Variants in UNC13B observed in about 807,000 individuals in gnomAD.
UNC13B encodes the protein unc-13 homolog B, also known as protein unc-13 homolog B.
A neutral mutation model predicts 211.0 loss-of-function variants in UNC13B; 144 were observed. The ratio of observed to expected loss-of-function variants is 0.68; its 90% CI spans 0.60 to 0.78. The LOEUF is 0.78. Among genes scored for constraint, UNC13B ranks in the 30% least tolerant of loss-of-function variants. The pLI is 0.00. For synonymous variants in UNC13B, 709 were observed against 725.8 expected, an observed-to-expected ratio of 0.98 and a Z score of 0.37; for missense variants, 1,777 against 2,002.0, an observed-to-expected ratio of 0.89 and a Z score of 2.14.
intron 11 of UNC13B, among the ~76,000 whole-genome samples, chr9:35,363,496 G>C (rs1307555074): frequency 6.6e-6 from 1 of 152,170 alleles, no homozygotes; most frequent in African/African-American, 2.4e-5. Context: ...GCACTGTTTT[G>C]GAGGATTCCT....
intron 1 of UNC13B, among the ~76,000 whole-genome samples, chr9:35,191,064 AT>A (rs1362637443): frequency 6.6e-6 from 1 of 151,896 alleles, no homozygotes; most frequent in Non-Finnish European, 1.5e-5. Flanking sequence ...GGTTCCAATG[AT>A]TCTCCTGCCT....
chr9:35,164,714 C>G (rs1820943215), intron 1 of UNC13B, among the ~76,000 whole-genome samples: 1 of 152,146 alleles, frequency 6.6e-6, no homozygotes, highest in Admixed American at 6.5e-5. Context: ...GCACTTGTGC[C>G]CCCTGAAATA....
intron 11 of UNC13B, among the ~76,000 whole-genome samples, chr9:35,321,452 A>C (rs1830732824): frequency 6.6e-6 from 1 of 152,084 alleles, no homozygotes; most frequent in Admixed American, 6.6e-5. Context: ...CCTGGGCTCA[A>C]GCAATTTTCC....
At chr9:35,381,867 C>A in intron 20 of UNC13B, 148 bp downstream of exon 20, 1 of 958,328 alleles carries the variant, frequency 1.0e-6, no homozygotes, top group Non-Finnish European at 1.6e-6. Context: ...TGGGTCTATG[C>A]CCCAAGACAA....
intron 13 of UNC13B, among the ~76,000 whole-genome samples, chr9:35,372,421 A>G (rs1002790862): frequency 2.6e-5 from 4 of 152,270 alleles, no homozygotes; most frequent in African/African-American, 9.6e-5. Context: ...GGCTGCCCCT[A>G]AAGCTTGGGC....
chr9:35,355,587 C>T (rs1832974894), intron 11 of UNC13B, among the ~76,000 whole-genome samples: 1 of 152,224 alleles, frequency 6.6e-6, no homozygotes, highest in South Asian at 2.1e-4. Flanking sequence ...TGCTGTCATA[C>T]AAATTTGCCT....
At chr9:35,207,019 A>G (rs995515794) in intron 1 of UNC13B, among the ~76,000 whole-genome samples, 28 of 152,078 alleles carry the variant, frequency 1.8e-4, no homozygotes, top group African/African-American at 6.5e-4. Flanking sequence ...ACTTGTGTAC[A>G]TGTTCCTGTG....
chr9:35,186,182 T>C (rs2131324843), intron 1 of UNC13B, among the ~76,000 whole-genome samples: 1 of 152,046 alleles, frequency 6.6e-6, no homozygotes, highest in Admixed American at 6.5e-5. Context: ...CTACTAGGTG[T>C]AGACCCTACT....
chr9:35,352,144 G>A, intron 11 of UNC13B: 1 of 1,232,276 alleles, frequency 8.1e-7, no homozygotes, highest in Non-Finnish European at 1.0e-6. Flanking sequence ...AGGGTGAAAA[G>A]GCCCAGGAAC....
In UNC13B at chr9:35,404,286, A is replaced by G; in HGVS notation, c.*253A>G. The G allele has an allele frequency of 1.9e-6, 1 of 536,710 alleles. No homozygotes were observed. Among genetic ancestry groups the G allele is most frequent in the South Asian group, 2.4e-5 (1 of 41,266 alleles). The allele number at this position is 536,710 out of a possible 1,614,324, so 33.2% of individuals were successfully genotyped here. ...CCACATGGAGAGATTTTCCATTAAG[A>G]GAGAAGGACAAACATTTCTGAGAGT... is the stretch of plus-strand genomic sequence containing the variant. On this transcript the variant is annotated 3_prime_UTR_variant, in exon 40 of 40. Transcript: ENST00000635942.
At chr9:35,380,768 A>G in intron 18 of UNC13B, 129 bp downstream of exon 18, 2 of 1,238,078 alleles carry the variant, frequency 1.6e-6, no homozygotes, top group Admixed American at 2.1e-5. Flanking sequence ...CTCACCTGCA[A>G]AGAACTGACT....
At chr9:35,285,958 A>G (rs975577182) in intron 7 of UNC13B, among the ~76,000 whole-genome samples, 2 of 152,198 alleles carry the variant, frequency 1.3e-5, no homozygotes, top group Non-Finnish European at 2.9e-5. Context: ...GGTTTTGGAC[A>G]TGAGGTGTAC....
At chr9:35,386,834 G>A (rs1835222656) in intron 24 of UNC13B, among the ~76,000 whole-genome samples, 1 of 152,060 alleles carries the variant, frequency 6.6e-6, no homozygotes, top group Admixed American at 6.6e-5. Flanking sequence ...TTTTAGCCTG[G>A]CACCCTAAGT....
At chr9:35,259,157 G>A (rs1329347720) in intron 7 of UNC13B, 107 bp downstream of exon 7, 8 of 1,148,858 alleles carry the variant, frequency 7.0e-6, no homozygotes, top group Non-Finnish European at 1.0e-5. Context: ...ATGTGTGTAA[G>A]CAGAAGATAT....
intron 7 of UNC13B, among the ~76,000 whole-genome samples, chr9:35,269,854 C>T (rs1054078528): frequency 1.3e-5 from 2 of 152,110 alleles, no homozygotes. Flanking sequence ...TTTCCTTCTT[C>T]GCATACCCCC....
chr9:35,223,519 T>C (rs1824674725), intron 1 of UNC13B, among the ~76,000 whole-genome samples: 1 of 152,168 alleles, frequency 6.6e-6, no homozygotes, highest in Admixed American at 6.5e-5. Context: ...CTTTGTCCAC[T>C]TTTTAATGGG....
intron 5 of UNC13B, among the ~76,000 whole-genome samples, 196 bp downstream of exon 5, chr9:35,238,022 A>T (rs1482247086): frequency 6.6e-6 from 1 of 152,122 alleles, no homozygotes; most frequent in Non-Finnish European, 1.5e-5. Flanking sequence ...TCATTAAAGA[A>T]TCTACACTAA....
intron 1 of UNC13B, among the ~76,000 whole-genome samples, chr9:35,199,844 A>G (rs959254675): frequency 5.3e-5 from 8 of 151,976 alleles, no homozygotes; most frequent in Admixed American, 4.6e-4. Flanking sequence ...CTTTAGTTTA[A>G]TTAGATCCCA....
At chr9:35,390,158 G>T (rs572553079) in intron 25 of UNC13B, among the ~76,000 whole-genome samples, 185 bp downstream of exon 25, 1 of 152,184 alleles carries the variant, frequency 6.6e-6, no homozygotes, top group South Asian at 2.1e-4. Flanking sequence ...AAACATAATG[G>T]GGGTCCCTGG....
Sources: allele counts gnomAD v4.1 joint callset (sites outside exome capture counted in the v4.1 genomes callset), GRCh38; gene constraint gnomAD v4.1.1; transcripts MANE v1.5; gene names NCBI Gene and HGNC (gene_info 2026-07-23, HGNC 2026-07-21).